The following NOVA1 variants were observed in gnomAD, a reference collection of about 807,000 sequenced individuals.
NOVA1 encodes the protein RNA-binding protein Nova-1.
In NOVA1, 7 loss-of-function variants were observed where a neutral mutation model predicts 38.0. That is an observed-to-expected ratio of 0.18 (90% confidence interval 0.10 to 0.35). The LOEUF (loss-of-function observed/expected upper bound fraction) is 0.35, where lower values mean the gene tolerates loss of function less well. Ranked by LOEUF, NOVA1 falls within the 10% of genes least tolerant of loss-of-function variation. NOVA1 has a pLI of 1.00. For missense variants in NOVA1, 460 were observed against 616.0 expected, an observed-to-expected ratio of 0.75 and a Z score of 2.68; for synonymous variants, 270 against 232.5, an observed-to-expected ratio of 1.16 and a Z score of -1.47.
chr14:26,504,004 CTCTT>C (rs1233907691), intron 2 of NOVA1, among the ~76,000 whole-genome samples: 1 of 152,088 alleles, frequency 6.6e-6, no homozygotes, highest in Non-Finnish European at 1.5e-5. Context: ...TCATAAATCT[CTCTT>C]TATACTCAAA....
chr14:26,482,618 C>T (rs1275619354), intron 2 of NOVA1, among the ~76,000 whole-genome samples: 1 of 152,170 alleles, frequency 6.6e-6, no homozygotes, highest in Non-Finnish European at 1.5e-5. Context: ...TTGAAACACA[C>T]TAGCAACGAG....
chr14:26,539,703 T>C (rs1363651255), intron 2 of NOVA1, among the ~76,000 whole-genome samples: 1 of 152,134 alleles, frequency 6.6e-6, no homozygotes, highest in African/African-American at 2.4e-5. Context: ...GCATTTAAAA[T>C]GTTATTTTTA....
intron 2 of NOVA1, among the ~76,000 whole-genome samples, chr14:26,484,905 A>C (rs1215797145): frequency 2.6e-5 from 4 of 152,172 alleles, no homozygotes. Context: ...CTACTAAATA[A>C]GTATCATATT....
At chr14:26,472,278 A>G in intron 4 of NOVA1, 42 bp downstream of exon 4, 1 of 1,212,282 alleles carries the variant, frequency 8.2e-7, no homozygotes, top group African/African-American at 1.5e-5. Context: ...GCAGGCAATC[A>G]CCCGTGAAAA....
intron 2 of NOVA1, among the ~76,000 whole-genome samples, chr14:26,486,188 T>C (rs1196946543): frequency 6.6e-6 from 1 of 152,168 alleles, no homozygotes; most frequent in East Asian, 1.9e-4. Context: ...TAAATTTCCT[T>C]GCTATTTGGA....
At chr14:26,567,290 A>ATTT (rs372263187) in intron 2 of NOVA1, among the ~76,000 whole-genome samples, 1,475 of 93,368 alleles carry the variant, frequency 0.016, 11 homozygotes, top group Middle Eastern at 0.027. Context: ...GTCTTGTTTA[A>ATTT]TTTTTTTTTT....
chr14:26,528,658 G>A (rs987271928), intron 2 of NOVA1, among the ~76,000 whole-genome samples: 1 of 152,030 alleles, frequency 6.6e-6, no homozygotes, highest in African/African-American at 2.4e-5. Flanking sequence ...CCAGACTACT[G>A]CTTTCAGCTC....
At chr14:26,588,761 T>C (rs1382374866) in intron 2 of NOVA1, among the ~76,000 whole-genome samples, 2 of 151,516 alleles carry the variant, frequency 1.3e-5, no homozygotes, top group Admixed American at 1.3e-4. Context: ...TAGTCAATCA[T>C]GTCAAAAGAG....
At chr14:26,493,029 AGCTCAGAAATTCT>A (rs1047971338) in intron 2 of NOVA1, among the ~76,000 whole-genome samples, 12 of 152,216 alleles carry the variant, frequency 7.9e-5, no homozygotes, top group African/African-American at 2.4e-5. Context: ...ATGAAGGCAA[AGCTCAGAAATTCT>A]GCTCAGAAAT....
At chr14:26,507,676 T>C (rs1418138560) in intron 2 of NOVA1, among the ~76,000 whole-genome samples, 1 of 152,176 alleles carries the variant, frequency 6.6e-6, no homozygotes, top group African/African-American at 2.4e-5. Flanking sequence ...TAAATAATCA[T>C]GCAACAGACT....
At chr14:26,494,690 T>C (rs931987048) in intron 2 of NOVA1, among the ~76,000 whole-genome samples, 1 of 152,208 alleles carries the variant, frequency 6.6e-6, no homozygotes, top group Non-Finnish European at 1.5e-5. Context: ...GTCCCCATGG[T>C]TGTAAATACC....
chr14:26,520,956 C>T (rs1226787209), intron 2 of NOVA1, among the ~76,000 whole-genome samples: 1 of 152,044 alleles, frequency 6.6e-6, no homozygotes, highest in Non-Finnish European at 1.5e-5. Flanking sequence ...TCATCCAATC[C>T]TCAAGCATAT....
intron 4 of NOVA1, among the ~76,000 whole-genome samples, chr14:26,449,268 C>T (rs576662376): frequency 1.4e-4 from 21 of 152,214 alleles, no homozygotes; most frequent in Non-Finnish European, 2.6e-4. Context: ...GGGATCATAA[C>T]TATACACCAA....
At chr14:26,548,782 T>C (rs1890983708) in intron 2 of NOVA1, among the ~76,000 whole-genome samples, 1 of 144,912 alleles carries the variant, frequency 6.9e-6, no homozygotes, top group South Asian at 2.3e-4. Context: ...GTTCCTTCTC[T>C]TCCCCACTTT....
intron 2 of NOVA1, among the ~76,000 whole-genome samples, chr14:26,498,857 A>T (rs1594408853): frequency 6.6e-6 from 1 of 152,218 alleles, no homozygotes; most frequent in Non-Finnish European, 1.5e-5. Context: ...TTTAAAGCAG[A>T]TTTAAAAGGA....
intron 2 of NOVA1, among the ~76,000 whole-genome samples, chr14:26,553,921 C>T (rs1388985511): frequency 2.0e-5 from 3 of 151,758 alleles, no homozygotes; most frequent in African/African-American, 4.8e-5. Flanking sequence ...CTGAGGTGGG[C>T]GGATCACTTG....
At chr14:26,567,266 T>C (rs1249328539) in intron 2 of NOVA1, among the ~76,000 whole-genome samples, 2 of 150,994 alleles carry the variant, frequency 1.3e-5, no homozygotes, top group Non-Finnish European at 2.9e-5. Context: ...TGTATTATCC[T>C]ATAACATTTA....
chr14:26,571,710 C>A (rs531516841), intron 2 of NOVA1, among the ~76,000 whole-genome samples: 2 of 152,134 alleles, frequency 1.3e-5, no homozygotes, highest in African/African-American at 4.8e-5. Flanking sequence ...AAGCATGCAA[C>A]CTATGAGAGA....
chr14:26,487,299 C>T (rs539246230), intron 2 of NOVA1, among the ~76,000 whole-genome samples: 46 of 152,174 alleles, frequency 3.0e-4, no homozygotes, highest in African/African-American at 9.9e-4. Flanking sequence ...TATACGCATA[C>T]GGAATAACTT....
Sources: gnomAD v4.1 joint callset for allele counts (sites outside exome capture counted in the v4.1 genomes callset) on GRCh38, gnomAD v4.1.1 for gene constraint, MANE v1.5 for transcripts, NCBI Gene and HGNC (gene_info 2026-07-23, HGNC 2026-07-21) for gene names.